B4GALNT1: variants seen among roughly 807,000 people sequenced by gnomAD.
B4GALNT1 encodes beta-1,4-N-acetyl-galactosaminyltransferase 1.
In B4GALNT1, 43 loss-of-function variants were observed where a neutral mutation model predicts 55.2. The ratio of observed to expected loss-of-function variants is 0.78; its 90% CI spans 0.61 to 1.00. The LOEUF (loss-of-function observed/expected upper bound fraction) is 1.00. Among genes scored for constraint, B4GALNT1 ranks in the 50% least tolerant of loss-of-function variants. The pLI is 0.00. For synonymous variants in B4GALNT1, 305 were observed against 311.6 expected (o/e 0.98, Z 0.22); for missense variants, 664 against 729.7 (o/e 0.91, Z 1.04).
chr12:57,630,619 C>T, intron 4 of B4GALNT1, 101 bp from the exon 5 acceptor site: 1 of 1,361,152 alleles, frequency 7.3e-7, no homozygotes, highest in South Asian at 1.4e-5. Context: ...GAACTTTCCA[C>T]CTATTCTTCT....
Position 57,623,835 on chromosome 12 carries a change from G to A in B4GALNT1, c.*2909C>T. The A allele has an allele frequency of 6.2e-7, 1 of 1,613,332 alleles. No individual in the cohort carries two copies. The highest frequency in any genetic ancestry group is 8.5e-7 in the Non-Finnish European group (1 of 1,179,824). ...TTGCTCCTGTTCCTCCTTTTCTCTA[G>A]CTGGCAGGCCTCTTCTCCTGCACAG... is the stretch of plus-strand genomic sequence containing the variant. On this transcript the variant is annotated 3_prime_UTR_variant, in exon 11 of 11. Transcript: ENST00000341156.
Position 57,631,228 on chromosome 12 carries a change from C to T in B4GALNT1, c.355G>A (p.Glu119Lys), listed in dbSNP as rs555516436. 10 of 1,614,084 alleles carry T rather than the reference C, an allele frequency of 6.2e-6. No homozygotes were observed. Among genetic ancestry groups the T allele is most frequent in the African/African-American group, 1.3e-5 (1 of 74,938 alleles). Residue 119 changes from glutamate (E) to lysine (K), a missense_variant, in exon 3 of 11, where the codon GAG (glutamate) becomes AAG (lysine). Glu to Lys is a moderately conservative substitution (Grantham distance 56, BLOSUM62 1). Coordinates refer to ENST00000341156, the MANE Select transcript of B4GALNT1 (RefSeq NM_001478.5). ...AELRAASATR[E>K]QEFQAFLSRS... ...GACAGAAAGGCCTGGAACTCCTGCT[C>T]TCTTGTGGCAGAGGCAGCCCTCAGC...
intron 9 of B4GALNT1, 34 bp from the exon 10 acceptor site, chr12:57,627,892 C>T (rs1324896623): frequency 1.3e-6 from 2 of 1,540,172 alleles, no homozygotes; most frequent in South Asian, 2.4e-5. Flanking sequence ...CCAGGCGGGC[C>T]TGGGATAGGG....
chr12:57,631,903 G>A lies in B4GALNT1; in HGVS notation c.218+12C>T, dbSNP rs1216065896. On this transcript the variant is annotated intron_variant, in intron 2 of 10. Transcript: ENST00000341156. ...GCGAGCGCTGCGCTGCGCCGCCGCG[G>A]TCGGCACTCACCCCACTACTTGCTC... The A allele has an allele frequency of 3.6e-6, 5 of 1,384,730 alleles. No individual in the cohort carries two copies. In the South Asian group the frequency reaches 9.7e-5, roughly 27 times the overall value. 85.8% of individuals were successfully genotyped at this position (1,384,730 alleles called of 1,614,324 possible).
rs147478923 is a variant in B4GALNT1, at chr12:57,629,547, A to G, written c.713-401T>C. 1.0e-3 allele frequency: 362 copies of G among 358,660 alleles called. 2 individuals are homozygous for G. The highest frequency in any genetic ancestry group is 7.1e-3 in the African/African-American group (343 of 47,994). The allele number at this position is 358,660 out of a possible 1,614,324, so 22.2% of individuals were successfully genotyped here. A position where few individuals can be genotyped will look rare whatever the true frequency, so the allele number is the denominator to read the frequency against. On this transcript the variant is annotated intron_variant, in intron 6 of 10. Coordinates refer to ENST00000341156, the MANE Select transcript of B4GALNT1 (RefSeq NM_001478.5). ...AACCTAGTCAGTCTGGTGCCAGGCT[A>G]AGTAAATTAAAAAATTCAGATACTG...
In B4GALNT1 at chr12:57,631,901, C is replaced by A; in HGVS notation, c.218+14G>T. 7.3e-7 allele frequency: 1 copy of A among 1,378,622 alleles called. No individual in the cohort carries two copies. Among genetic ancestry groups the A allele is most frequent in the Non-Finnish European group, 9.4e-7 (1 of 1,065,320 alleles). 85.4% of individuals were successfully genotyped at this position (1,378,622 alleles called of 1,614,324 possible). On this transcript the variant is annotated intron_variant, in intron 2 of 10. Coordinates refer to ENST00000341156, the MANE Select transcript of B4GALNT1 (RefSeq NM_001478.5). ...CAGCGAGCGCTGCGCTGCGCCGCCGCGGTCGGCACTCACCCCACTACTTGC... is the reference window on the plus strand; with the variant it reads ...CAGCGAGCGCTGCGCTGCGCCGCCGAGGTCGGCACTCACCCCACTACTTGC...
Position 57,630,253 on chromosome 12 carries a change from G to A in B4GALNT1, c.611C>T (p.Ala204Val). The change falls in exon 6 of 11, where the codon GCA becomes GTA. Residue 204 changes from alanine (A) to valine (V), a missense_variant. Ala to Val is a moderately conservative substitution (Grantham distance 64). Coordinates refer to ENST00000341156, the MANE Select transcript of B4GALNT1 (RefSeq NM_001478.5). Reference protein sequence around the residue: ...TGVTLTGEGQADLTLVSPGLD... With the variant: ...TGVTLTGEGQVDLTLVSPGLD... ...CCCTGGGCTGACAAGGGTGAGATCT[G>A]CCTGACCCTCTCCAGTGAGAGTAAC... 1 of 1,614,216 alleles carries A rather than the reference G, an allele frequency of 6.2e-7. No homozygotes were observed. Among genetic ancestry groups the A allele is most frequent in the African/African-American group, 1.3e-5 (1 of 75,042 alleles).
rs147301375 is a variant in B4GALNT1 at position 57,628,835 on chromosome 12, C to T, written c.880G>A (p.Ala294Thr). Residue 294 changes from alanine to threonine, a missense_variant, in exon 8 of 11, where the codon GCT (alanine) becomes ACT (threonine). Transcript: ENST00000341156. ...KTFLRYDRLR[A>T]LITSIRRFYP... ...AAGCGGCGGATACTGGTGATGAGAG[C>T]CCGTAGCCGATCATAACGGAGGAAG... 2,776 of 1,614,216 alleles carry T rather than the reference C, an allele frequency of 1.7e-3. 12 individuals carry two copies. Among genetic ancestry groups the T allele is most frequent in the South Asian group, 3.5e-3 (321 of 91,080 alleles).
At position 57,630,471 on chromosome 12, in the gene B4GALNT1, C is replaced by T; in HGVS notation, c.531+7G>A. ...CTTGGCCTCCTTGCCTTCTTGTTTTCTCTCACCTGGTATACCTCCTGACCA... is the reference window on the plus strand; with the variant it reads ...CTTGGCCTCCTTGCCTTCTTGTTTTTTCTCACCTGGTATACCTCCTGACCA... On this transcript the variant is annotated splice_region_variant and intron_variant, in intron 5 of 10. Transcript: ENST00000341156. The T allele has an allele frequency of 6.2e-7, 1 of 1,607,024 alleles. No homozygotes were observed. The highest frequency in any genetic ancestry group is 8.5e-7 in the Non-Finnish European group (1 of 1,176,380).
chr12:57,632,576 C>A (rs939791947), intron 1 of B4GALNT1, 196 bp downstream of exon 1: 9 of 221,184 alleles, frequency 4.1e-5, no homozygotes, highest in Middle Eastern at 1.7e-3. Flanking sequence ...CGGCTCCACA[C>A]CTAGCCTGTC....
rs1884828703 is a variant in B4GALNT1 at position 57,626,670 on chromosome 12, G to A, written c.*74C>T. ...GCCAGTAGAGTGCTCACAGGGTGGT[G>A]GGGTTTGTTGGAAATTCCTGGCAGG... On this transcript the variant is annotated 3_prime_UTR_variant, in exon 11 of 11. Transcript: ENST00000341156. 6.5e-7 allele frequency: 1 copy of A among 1,537,978 alleles called. No homozygotes were observed. The highest frequency in any genetic ancestry group is 9.0e-7 in the Non-Finnish European group (1 of 1,116,046).
rs760376280 is a variant in B4GALNT1, at chr12:57,624,634, G to C, written c.*2110C>G. On this transcript the variant is annotated 3_prime_UTR_variant, in exon 11 of 11. Transcript: ENST00000341156. ...GGGCATAGAGATGAGTGGAGTTGAG[G>C]TCGGGGCAGGGGAAGAGAATGAGGT... The C allele has an allele frequency of 2.8e-6, 2 of 714,712 alleles. No individual in the cohort carries two copies. The highest frequency in any genetic ancestry group is 3.5e-5 in the African/African-American group (2 of 57,904). 44.3% of individuals were successfully genotyped at this position (714,712 alleles called of 1,614,324 possible).
chr12:57,624,968 G>A lies in B4GALNT1; in HGVS notation c.*1776C>T, dbSNP rs765224610. On this transcript the variant is annotated 3_prime_UTR_variant, in exon 11 of 11. Coordinates refer to ENST00000341156, the MANE Select transcript of B4GALNT1 (RefSeq NM_001478.5). ...CAACCTGGAGTGGCACCTGGGGCTC[G>A]GAGAAGGAGAAAAGGTGAAGGAGCT... 19 of 1,614,010 alleles carry A rather than the reference G, an allele frequency of 1.2e-5. No individual in the cohort carries two copies. The highest frequency in any genetic ancestry group is 4.0e-5 in the African/African-American group (3 of 74,892).
intron 6 of B4GALNT1, chr12:57,629,792 T>G (rs746795380): frequency 2.2e-5 from 31 of 1,438,942 alleles, no homozygotes; most frequent in Non-Finnish European, 2.6e-5. Flanking sequence ...AGGCCTCTTT[T>G]GCTGGAAGAG....
chr12:57,632,669 G>T, intron 1 of B4GALNT1, 103 bp downstream of exon 1: 1 of 196,188 alleles, frequency 5.1e-6, no homozygotes, highest in South Asian at 7.1e-5. Flanking sequence ...AAGCGGCGCG[G>T]GGGACAGAGT....
Position 57,623,976 on chromosome 12 carries a change from T to C in B4GALNT1, c.*2768A>G, listed in dbSNP as rs761814292. ...GTAGCTGTATTCCAGGACATCGAGG[T>C]AGTCAGCCCACCTCCTCTGCCTCAA... On this transcript the variant is annotated 3_prime_UTR_variant, in exon 11 of 11. Coordinates refer to ENST00000341156, the MANE Select transcript of B4GALNT1 (RefSeq NM_001478.5). 3 of 1,612,002 alleles carry C rather than the reference T, an allele frequency of 1.9e-6. No individual in the cohort carries two copies. The highest frequency in any genetic ancestry group is 3.3e-5 in the Admixed American group (2 of 59,830).
At chr12:57,628,969 C>G in intron 7 of B4GALNT1, 66 bp from the exon 8 acceptor site, 1 of 1,603,870 alleles carries the variant, frequency 6.2e-7, no homozygotes, top group Non-Finnish European at 8.5e-7. Flanking sequence ...AGGTAGATAT[C>G]CCCTCCCAGG....
Position 57,625,250 on chromosome 12 carries a change from A to G in B4GALNT1, c.*1494T>C. The stretch of plus-strand genomic sequence containing the variant: ...TCCCATTCTAGTTGCTGAGCCTGTC[A>G]GGGTGGTGGTCCTAGACTTCAGTGG... On this transcript the variant is annotated 3_prime_UTR_variant, in exon 11 of 11. Transcript: ENST00000341156. The G allele has an allele frequency of 6.2e-7, 1 of 1,614,124 alleles. No individual in the cohort carries two copies. Among genetic ancestry groups the G allele is most frequent in the Non-Finnish European group, 8.5e-7 (1 of 1,180,016 alleles).
chr12:57,628,822 C>T lies in B4GALNT1; in HGVS notation c.893G>A (p.Ser298Asn). 6.2e-7 allele frequency: 1 copy of T among 1,614,180 alleles called. No individual in the cohort carries two copies. The highest frequency in any genetic ancestry group is 8.5e-7 in the Non-Finnish European group (1 of 1,180,034). ...AACCGTTGGGTAGAAGCGGCGGATA[C>T]TGGTGATGAGAGCCCGTAGCCGATC... ...RYDRLRALIT[S>N]IRRFYPTVTV... The change falls in exon 8 of 11, where the codon AGT (serine) becomes AAT (asparagine). Residue 298 changes from serine to asparagine, a missense_variant. By Grantham distance (46) the Ser-to-Asn change is conservative. Coordinates refer to ENST00000341156, the MANE Select transcript of B4GALNT1 (RefSeq NM_001478.5).
Sources: allele counts gnomAD v4.1 joint callset, GRCh38; gene constraint gnomAD v4.1.1; transcripts MANE v1.5; gene names NCBI Gene and HGNC (gene_info 2026-07-23, HGNC 2026-07-21).